The following PAX5 variants were observed in gnomAD, a reference collection of about 807,000 sequenced individuals.
PAX5 encodes the protein paired box 5.
PAX5 carries 9 observed loss-of-function variants against 43.7 expected under a neutral mutation model. The ratio of observed to expected loss-of-function variants is 0.21; its 90% confidence interval spans 0.12 to 0.36. The LOEUF (loss-of-function observed/expected upper bound fraction) is 0.36. Ranked by LOEUF, PAX5 falls within the 10% of genes least tolerant of loss-of-function variation. The probability of loss-of-function intolerance (pLI) is 1.00; values close to 1 mark genes in which losing one functional copy is unlikely to be tolerated. For missense variants in PAX5, 383 were observed against 532.7 expected, an observed-to-expected ratio of 0.72 and a Z score of 2.77; for synonymous variants, 228 against 214.3, an observed-to-expected ratio of 1.06 and a Z score of -0.56.
chr9:37,021,362 A>C (rs1205898234), intron 1 of PAX5, among the ~76,000 whole-genome samples: 1 of 152,208 alleles, frequency 6.6e-6, no homozygotes, highest in Admixed American at 6.5e-5. Context: ...GAGAAAAAAA[A>C]ACAACCATTG....
chr9:36,998,717 G>A (rs1837605740), intron 5 of PAX5, among the ~76,000 whole-genome samples: 1 of 152,210 alleles, frequency 6.6e-6, no homozygotes, highest in Non-Finnish European at 1.5e-5. Flanking sequence ...CAGCTTTATT[G>A]TTTTGGTAGG....
chr9:36,863,877 A>C (rs77812152), intron 8 of PAX5, among the ~76,000 whole-genome samples: 1 of 152,174 alleles, frequency 6.6e-6, no homozygotes, highest in Admixed American at 6.5e-5. Context: ...TTGGGAGGCT[A>C]AGGTGGGCGG....
intron 7 of PAX5, among the ~76,000 whole-genome samples, chr9:36,911,967 A>C (rs964334943): frequency 5.9e-5 from 9 of 152,206 alleles, no homozygotes; most frequent in Admixed American, 5.9e-4. Flanking sequence ...CTGTTTCCCC[A>C]AAATCCCCAA....
intron 7 of PAX5, among the ~76,000 whole-genome samples, chr9:36,918,529 G>T (rs1167310109): frequency 6.6e-6 from 1 of 152,106 alleles, no homozygotes; most frequent in Non-Finnish European, 1.5e-5. Context: ...CAGGCATGGT[G>T]GTGCACGCCT....
chr9:37,001,398 T>C (rs1447512282), intron 5 of PAX5, among the ~76,000 whole-genome samples: 6 of 152,132 alleles, frequency 3.9e-5, no homozygotes, highest in African/African-American at 1.4e-4. Context: ...GGAGAAAAGA[T>C]GATACCATCA....
At chr9:36,864,788 C>T (rs1362685647) in intron 8 of PAX5, among the ~76,000 whole-genome samples, 2 of 152,218 alleles carry the variant, frequency 1.3e-5, no homozygotes. Context: ...TCTAGAGGTG[C>T]CCCTCGGAGC....
At chr9:36,920,003 G>A (rs2131950611) in intron 7 of PAX5, among the ~76,000 whole-genome samples, 1 of 152,186 alleles carries the variant, frequency 6.6e-6, no homozygotes, top group Middle Eastern at 3.4e-3. Context: ...TTGCAGATAT[G>A]GTGGAAATAG....
At position 36,966,748 on chromosome 9, in the gene PAX5, G is replaced by T. The variant is rs367834002; in HGVS notation, c.605-24C>A. On this transcript the variant is annotated intron_variant, in intron 5 of 9. Coordinates refer to ENST00000358127, the MANE Select transcript of PAX5 (RefSeq NM_016734.3). Reference sequence around the variant, plus strand: ...ACCTTTGATGAGCAGGAGAGAGGAAGGGTGAGTGGAGGTTATACACGTTGC... The same window carrying T: ...ACCTTTGATGAGCAGGAGAGAGGAATGGTGAGTGGAGGTTATACACGTTGC... 8.1e-6 allele frequency: 13 copies of T among 1,609,048 alleles called. No homozygotes were observed. In the African/African-American group the frequency reaches 1.6e-4, roughly 20 times the overall value.
chr9:36,971,692 C>T (rs187192335), intron 5 of PAX5, among the ~76,000 whole-genome samples: 3 of 152,298 alleles, frequency 2.0e-5, no homozygotes, highest in Non-Finnish European at 2.9e-5. Context: ...AACCATGGCT[C>T]GTAGAATTAA....
rs541951248 is a variant in PAX5 at position 36,880,105 on chromosome 9, C to A, written c.1012+1899G>T. 2.3e-4 allele frequency among the ~76,000 whole-genome samples: 35 copies of A among 152,376 alleles called. 1 individual carries two copies. In the South Asian group the frequency reaches 6.8e-3, roughly 30 times the overall value. On this transcript the variant is annotated intron_variant, in intron 8 of 9. Transcript: ENST00000358127. ...CCTCCTACCTTGTTAAATACATCTT[C>A]GAAACAACCTGGAAGGCCAGGATCG...
intron 7 of PAX5, among the ~76,000 whole-genome samples, chr9:36,898,927 C>T (rs1053705847): frequency 7.9e-5 from 12 of 152,102 alleles, no homozygotes; most frequent in South Asian, 2.1e-4. Context: ...CCATCGCCAC[C>T]GCAGCCCAGC....
At chr9:36,923,508 T>G in intron 6 of PAX5, 24 bp from the exon 7 acceptor site, 3 of 1,597,694 alleles carry the variant, frequency 1.9e-6, no homozygotes, top group Non-Finnish European at 8.5e-7. Context: ...CAGAGACGTC[T>G]CAGCACCAAG....
intron 6 of PAX5, among the ~76,000 whole-genome samples, chr9:36,934,070 G>C (rs1831351655): frequency 6.6e-6 from 1 of 152,242 alleles, no homozygotes; most frequent in Non-Finnish European, 1.5e-5. Context: ...CCCGAATCCA[G>C]AGGCCTGACA....
At chr9:36,983,512 A>C (rs376999028) in intron 5 of PAX5, among the ~76,000 whole-genome samples, 3 of 152,176 alleles carry the variant, frequency 2.0e-5, no homozygotes, top group Non-Finnish European at 4.4e-5. Flanking sequence ...TATTTTTTAA[A>C]TTATGTGTAT....
chr9:37,033,912 G>A (rs930136474), intron 1 of PAX5, 74 bp downstream of exon 1: 4 of 1,417,722 alleles, frequency 2.8e-6, no homozygotes, highest in African/African-American at 1.4e-5. Flanking sequence ...CTCCTCCAGG[G>A]TCACCCTGCG....
At chr9:36,998,246 C>G (rs1045917668) in intron 5 of PAX5, among the ~76,000 whole-genome samples, 10 of 152,360 alleles carry the variant, frequency 6.6e-5, no homozygotes, top group African/African-American at 2.4e-4. Context: ...TGGCCATATA[C>G]CCGAGTCTGG....
At chr9:36,989,835 G>A (rs760466269) in intron 5 of PAX5, among the ~76,000 whole-genome samples, 10 of 152,146 alleles carry the variant, frequency 6.6e-5, no homozygotes, top group South Asian at 2.1e-4. Flanking sequence ...GCCCCCATTC[G>A]GTACATATTT....
intron 7 of PAX5, among the ~76,000 whole-genome samples, chr9:36,904,483 A>T (rs1189532746): frequency 6.6e-6 from 1 of 152,174 alleles, no homozygotes; most frequent in Non-Finnish European, 1.5e-5. Context: ...TGCCAGAAAC[A>T]ACCTTACTAA....
intron 7 of PAX5, among the ~76,000 whole-genome samples, chr9:36,887,596 A>G (rs4284107): frequency 0.85 from 129,588 of 152,018 alleles, 55,997 homozygotes; most frequent in East Asian, 0.93. Context: ...AAGACTTTCT[A>G]ACTATGATTT....
Sources: allele counts gnomAD v4.1 joint callset (sites outside exome capture counted in the v4.1 genomes callset), GRCh38; gene constraint gnomAD v4.1.1; transcripts MANE v1.5; gene names NCBI Gene and HGNC (gene_info 2026-07-23, HGNC 2026-07-21).